Variants in CA10 observed in about 807,000 individuals in gnomAD.
CA10 encodes the protein carbonic anhydrase 10 (inactive).
In CA10, 14 loss-of-function variants were observed where a neutral mutation model predicts 44.2. The ratio of observed to expected loss-of-function variants is 0.32; its 90% confidence interval spans 0.21 to 0.50. The LOEUF (loss-of-function observed/expected upper bound fraction) is 0.50. Among genes scored for constraint, CA10 ranks in the 20% least tolerant of loss-of-function variants. CA10 has a pLI of 0.99. For missense variants in CA10, 350 were observed against 409.7 expected, an observed-to-expected ratio of 0.85 and a Z score of 1.26; for synonymous variants, 159 against 141.6, an observed-to-expected ratio of 1.12 and a Z score of -0.87.
intron 3 of CA10, among the ~76,000 whole-genome samples, chr17:51,885,702 A>G (rs1980567745): frequency 6.6e-6 from 1 of 152,218 alleles, no homozygotes; most frequent in South Asian, 2.1e-4. Flanking sequence ...AATCTTCTCC[A>G]TTCAACTGGG....
intron 3 of CA10, among the ~76,000 whole-genome samples, chr17:51,854,280 C>A (rs1235347522): frequency 3.3e-5 from 5 of 152,148 alleles, no homozygotes; most frequent in Admixed American, 6.5e-5. Context: ...TTCACCCCTG[C>A]TGGACATTGT....
intron 3 of CA10, among the ~76,000 whole-genome samples, chr17:51,869,092 A>G (rs1172376997): frequency 6.6e-6 from 1 of 152,108 alleles, no homozygotes; most frequent in East Asian, 1.9e-4. Flanking sequence ...AATAATTTTT[A>G]TATATAAATT....
intron 1 of CA10, among the ~76,000 whole-genome samples, chr17:52,157,354 G>A (rs1332304112): frequency 1.3e-5 from 2 of 152,082 alleles, no homozygotes; most frequent in East Asian, 3.9e-4. Flanking sequence ...AGGAACCACC[G>A]AGTCTGGGAA....
chr17:52,118,446 C>T (rs896444025), intron 1 of CA10, among the ~76,000 whole-genome samples: 2 of 152,100 alleles, frequency 1.3e-5, no homozygotes, highest in Non-Finnish European at 2.9e-5. Flanking sequence ...TATTTTATAG[C>T]ATCAAGTGTT....
intron 2 of CA10, among the ~76,000 whole-genome samples, chr17:51,945,796 T>C (rs942868708): frequency 1.3e-5 from 2 of 152,156 alleles, no homozygotes; most frequent in Admixed American, 6.5e-5. Context: ...TCCCTTTCAG[T>C]CTAGCTCTCC....
intron 2 of CA10, among the ~76,000 whole-genome samples, chr17:52,072,041 C>T (rs1182038004): frequency 6.6e-6 from 1 of 152,210 alleles, no homozygotes; most frequent in Non-Finnish European, 1.5e-5. Flanking sequence ...CTCTTCCTTA[C>T]TTAACCAAAT....
intron 2 of CA10, among the ~76,000 whole-genome samples, chr17:51,981,251 C>T (rs571387860): frequency 6.6e-6 from 1 of 151,866 alleles, no homozygotes; most frequent in Non-Finnish European, 1.5e-5. Context: ...TTGATCATAA[C>T]CCCAAACTGA....
At chr17:51,688,055 T>C (rs1205519958) in intron 4 of CA10, among the ~76,000 whole-genome samples, 2 of 152,142 alleles carry the variant, frequency 1.3e-5, no homozygotes, top group African/African-American at 2.4e-5. Context: ...ATCACCTGCT[T>C]TGGGGGGAGA....
At chr17:51,861,098 G>A (rs544285269) in intron 3 of CA10, among the ~76,000 whole-genome samples, 63 of 152,280 alleles carry the variant, frequency 4.1e-4, no homozygotes, top group African/African-American at 1.4e-3. Context: ...CTAGCAACCT[G>A]CGTTTCTGCT....
At chr17:52,050,982 G>GA (rs530787049) in intron 2 of CA10, among the ~76,000 whole-genome samples, 2 of 127,626 alleles carry the variant, frequency 1.6e-5, no homozygotes, top group Admixed American at 8.2e-5. Context: ...AGAAAGAAAA[G>GA]AAAAAAAAGG....
intron 4 of CA10, among the ~76,000 whole-genome samples, chr17:51,727,452 A>C (rs914947915): frequency 6.6e-6 from 1 of 152,090 alleles, no homozygotes; most frequent in Non-Finnish European, 1.5e-5. Context: ...CCTTTGATTC[A>C]GAAGATCTTT....
intron 3 of CA10, among the ~76,000 whole-genome samples, chr17:51,892,342 G>A (rs1217120678): frequency 6.6e-6 from 1 of 152,168 alleles, no homozygotes; most frequent in African/African-American, 2.4e-5. Flanking sequence ...ATGCTAGGAA[G>A]CCATTAATTC....
chr17:52,036,034 G>A (rs1277473512), intron 2 of CA10, among the ~76,000 whole-genome samples: 1 of 152,162 alleles, frequency 6.6e-6, no homozygotes, highest in Non-Finnish European at 1.5e-5. Flanking sequence ...ACAGATTGGT[G>A]GGCCCCACCC....
At chr17:51,874,914 G>A (rs1286195806) in intron 3 of CA10, among the ~76,000 whole-genome samples, 2 of 151,842 alleles carry the variant, frequency 1.3e-5, no homozygotes, top group African/African-American at 4.8e-5. Context: ...ATAGGGTAGG[G>A]TGAGGGGTAG....
chr17:51,707,669 A>ATGTGTGTGTGTGTGTGTGTGTGTGTGTG (rs1491192056), intron 4 of CA10, among the ~76,000 whole-genome samples: 1 of 39,746 alleles, frequency 2.5e-5, no homozygotes, highest in African/African-American at 6.6e-5. Context: ...AAGTGGATGA[A>ATGTGTGTGTGTGTGTGTGTGTGTGTGTG]TATGTGTGTG....
chr17:51,812,077 C>T (rs1311451087), intron 3 of CA10, among the ~76,000 whole-genome samples: 1 of 152,190 alleles, frequency 6.6e-6, no homozygotes, highest in Non-Finnish European at 1.5e-5. Flanking sequence ...GTGTTCCTGC[C>T]TTTGTCTGGA....
At chr17:52,090,207 A>G (rs2143207056) in intron 1 of CA10, among the ~76,000 whole-genome samples, 1 of 152,332 alleles carries the variant, frequency 6.6e-6, no homozygotes, top group South Asian at 2.1e-4. Flanking sequence ...CAAAAGTGAT[A>G]GGCCAAGTAG....
chr17:51,749,456 G>A (rs1451078903), intron 3 of CA10, among the ~76,000 whole-genome samples: 2 of 152,242 alleles, frequency 1.3e-5, no homozygotes, highest in African/African-American at 2.4e-5. Context: ...GCCATCCCAG[G>A]AGAGGCCGTC....
chr17:52,108,838 A>G (rs766407820), intron 1 of CA10, among the ~76,000 whole-genome samples: 3 of 152,142 alleles, frequency 2.0e-5, no homozygotes, highest in Non-Finnish European at 2.9e-5. Context: ...GTTCACCAAA[A>G]TCTCACAAAT....
Sources: allele counts gnomAD v4.1 joint callset (sites outside exome capture counted in the v4.1 genomes callset), GRCh38; gene constraint gnomAD v4.1.1; transcripts MANE v1.5; gene names NCBI Gene and HGNC (gene_info 2026-07-23, HGNC 2026-07-21).